Variants in UVRAG observed in about 807,000 individuals in gnomAD.
The protein encoded by UVRAG is UV radiation resistance-associated gene protein.
Under a neutral mutation model 78.0 loss-of-function variants are expected in UVRAG, and 19 were observed. That is an observed-to-expected ratio of 0.24 (90% confidence interval 0.17 to 0.36). UVRAG has a LOEUF of 0.36. Among genes scored for constraint, UVRAG ranks in the 10% least tolerant of loss-of-function variants. The pLI, the probability that UVRAG is intolerant of heterozygous loss-of-function variation, is 1.00. For missense variants in UVRAG, 740 were observed against 853.8 expected (o/e 0.87, Z 1.66); for synonymous variants, 323 against 324.6 (o/e 1.00, Z 0.05).
At chr11:76,121,076 C>G (rs1217153077) in intron 14 of UVRAG, among the ~76,000 whole-genome samples, 1 of 152,220 alleles carries the variant, frequency 6.6e-6, no homozygotes, top group African/African-American at 2.4e-5. Context: ...TTATGGTAAG[C>G]TTCAAAGTTA....
In UVRAG at chr11:75,848,036, A is replaced by C. The variant is rs1179897353; in HGVS notation, c.118-3847A>C. ...CATAGGGAGACTCTGTCTCTAAAAA[A>C]AAAAAAAAAAATTTAGCTGGGCATG... On this transcript the variant is annotated intron_variant, in intron 1 of 14. Coordinates refer to ENST00000356136, the MANE Select transcript of UVRAG (RefSeq NM_003369.4). 2.4e-4 allele frequency among the ~76,000 whole-genome samples: 37 copies of C among 151,632 alleles called. 1 individual carries two copies. Among genetic ancestry groups the C allele is most frequent in the Admixed American group, 2.3e-3 (35 of 15,218 alleles).
intron 7 of UVRAG, among the ~76,000 whole-genome samples, chr11:75,965,551 G>A (rs896115304): frequency 3.3e-5 from 5 of 152,130 alleles, no homozygotes; most frequent in Non-Finnish European, 5.9e-5. Context: ...TCCTGACCTC[G>A]TGGTCTGCCC....
intron 14 of UVRAG, among the ~76,000 whole-genome samples, chr11:76,136,082 A>G (rs1293048585): frequency 6.6e-6 from 1 of 152,202 alleles, no homozygotes; most frequent in East Asian, 1.9e-4. Context: ...ACTGTAATCA[A>G]AGAATCTTGA....
intron 5 of UVRAG, among the ~76,000 whole-genome samples, chr11:75,898,290 G>A (rs977628483): frequency 6.6e-6 from 1 of 152,158 alleles, no homozygotes; most frequent in Non-Finnish European, 1.5e-5. Flanking sequence ...TCACAGAGGG[G>A]CAAAGTGACT....
At chr11:76,008,969 G>T in intron 11 of UVRAG, 102 bp downstream of exon 11, 1 of 641,092 alleles carries the variant, frequency 1.6e-6, no homozygotes. Flanking sequence ...GGAATTTTTG[G>T]ACTTTCTGTC....
chr11:75,838,335 G>GT (rs1196378251), intron 1 of UVRAG, among the ~76,000 whole-genome samples: 6 of 151,446 alleles, frequency 4.0e-5, no homozygotes, highest in Admixed American at 2.6e-4. Flanking sequence ...AAATTTTAGG[G>GT]TTTTTTTTGT....
intron 3 of UVRAG, among the ~76,000 whole-genome samples, chr11:75,874,697 G>C (rs997877052): frequency 6.6e-6 from 1 of 152,196 alleles, no homozygotes; most frequent in Admixed American, 6.5e-5. Context: ...ACTGTCACTA[G>C]TAAGTATTAA....
At chr11:75,975,134 A>T (rs1949210484) in intron 7 of UVRAG, among the ~76,000 whole-genome samples, 1 of 150,380 alleles carries the variant, frequency 6.6e-6, no homozygotes, top group African/African-American at 2.4e-5. Context: ...ATTAAATAGG[A>T]TTTCTTGTTT....
intron 12 of UVRAG, among the ~76,000 whole-genome samples, chr11:76,062,778 A>G (rs1001094839): frequency 3.3e-5 from 5 of 152,188 alleles, no homozygotes; most frequent in Admixed American, 3.3e-4. Flanking sequence ...AATACTGACT[A>G]CTTCATTGTT....
At chr11:75,948,350 T>C (rs919777786) in intron 6 of UVRAG, among the ~76,000 whole-genome samples, 1 of 152,152 alleles carries the variant, frequency 6.6e-6, no homozygotes, top group African/African-American at 2.4e-5. Flanking sequence ...AGGAAGGCCT[T>C]TTATTAACGC....
chr11:75,941,266 T>C (rs764053960), intron 6 of UVRAG, among the ~76,000 whole-genome samples: 19 of 152,174 alleles, frequency 1.2e-4, no homozygotes, highest in Non-Finnish European at 2.2e-4. Flanking sequence ...CTGTTTCTGT[T>C]CAGATTTTTG....
At chr11:75,875,870 T>A (rs1264924808) in intron 3 of UVRAG, among the ~76,000 whole-genome samples, 4 of 152,174 alleles carry the variant, frequency 2.6e-5, no homozygotes, top group African/African-American at 9.7e-5. Flanking sequence ...ATGTCCTTGC[T>A]TCCTTTAAGA....
chr11:76,115,667 AG>A (rs1952164800), intron 13 of UVRAG, among the ~76,000 whole-genome samples: 2 of 152,172 alleles, frequency 1.3e-5, no homozygotes, highest in African/African-American at 4.8e-5. Flanking sequence ...CTCTAAGTTT[AG>A]GGGGCAAGAG....
At chr11:76,060,699 A>AG (rs1373248886) in intron 12 of UVRAG, among the ~76,000 whole-genome samples, 1 of 152,196 alleles carries the variant, frequency 6.6e-6, no homozygotes, top group African/African-American at 2.4e-5. Flanking sequence ...TGAGGGGCTT[A>AG]GCACCCGGGC....
intron 3 of UVRAG, among the ~76,000 whole-genome samples, chr11:75,874,125 C>T (rs1824744700): frequency 6.6e-6 from 1 of 152,202 alleles, no homozygotes; most frequent in South Asian, 2.1e-4. Flanking sequence ...AGTTCTTTCT[C>T]TCAGAGAATA....
intron 12 of UVRAG, among the ~76,000 whole-genome samples, chr11:76,047,769 AATT>A (rs1769605562): frequency 6.6e-6 from 1 of 152,228 alleles, no homozygotes; most frequent in Non-Finnish European, 1.5e-5. Flanking sequence ...AAAGAAGTAT[AATT>A]GTTTCACAAC....
At chr11:76,115,601 C>T (rs1952163135) in intron 13 of UVRAG, among the ~76,000 whole-genome samples, 1 of 152,174 alleles carries the variant, frequency 6.6e-6, no homozygotes, top group Admixed American at 6.5e-5. Flanking sequence ...GAAAAGAAGG[C>T]TAGATACAGG....
intron 6 of UVRAG, among the ~76,000 whole-genome samples, chr11:75,924,733 A>G (rs1948057067): frequency 6.6e-6 from 1 of 152,080 alleles, no homozygotes; most frequent in African/African-American, 2.4e-5. Context: ...AAATGAGTAA[A>G]CCAGTAGTCA....
chr11:76,072,008 T>C (rs756123203), intron 13 of UVRAG, among the ~76,000 whole-genome samples: 3 of 152,104 alleles, frequency 2.0e-5, no homozygotes, highest in Non-Finnish European at 4.4e-5. Context: ...TGGAGGTCAG[T>C]ACAGGGTATA....
Sources: gnomAD v4.1 joint callset for allele counts (sites outside exome capture counted in the v4.1 genomes callset) on GRCh38, gnomAD v4.1.1 for gene constraint, MANE v1.5 for transcripts, NCBI Gene and HGNC (gene_info 2026-07-23, HGNC 2026-07-21) for gene names.